Variants in CHD2 observed in about 807,000 individuals in gnomAD.
The protein encoded by CHD2 is chromodomain helicase DNA binding protein 2, also known as ATP-dependent chromatin remodeler CHD2.
Under a neutral mutation model 243.9 loss-of-function variants are expected in CHD2, and 28 were observed. The observed-to-expected ratio is 0.11, with a 90% CI of 0.09 to 0.16. The LOEUF is 0.16. Ranked by LOEUF, CHD2 falls within the 10% of genes least tolerant of loss-of-function variation. The pLI is 1.00. For missense variants in CHD2, 1,386 were observed against 2,209.8 expected, an observed-to-expected ratio of 0.63 and a Z score of 7.47; for synonymous variants, 775 against 779.0, an observed-to-expected ratio of 0.99 and a Z score of 0.09.
In CHD2 at chr15:93,001,453, A is replaced by G. The variant is rs190308043; in HGVS notation, c.4138-724A>G. On this transcript the variant is annotated intron_variant, in intron 32 of 38. Transcript: ENST00000394196. The stretch of plus-strand genomic sequence containing the variant: ...ATTGTACTTGGATATTAGCTCCAAG[A>G]GGATCAGCAGTGTGTACAGGAACTA... 2.0e-5 allele frequency among the ~76,000 whole-genome samples: 3 copies of G among 152,360 alleles called. No homozygotes were observed. The East Asian group carries it at 5.8e-4, about 29-fold the overall frequency.
chr15:93,001,504 ATATT>A (rs1316679539), intron 32 of CHD2, among the ~76,000 whole-genome samples: 4 of 152,074 alleles, frequency 2.6e-5, no homozygotes, highest in South Asian at 2.1e-4. Context: ...ATACATACAG[ATATT>A]TATTTATTTA....
chr15:92,929,183 C>A, intron 5 of CHD2, 92 bp downstream of exon 5: 1 of 1,219,240 alleles, frequency 8.2e-7, no homozygotes, highest in Non-Finnish European at 1.2e-6. Flanking sequence ...TAGTCTACTC[C>A]AGGTCCCTTA....
chr15:92,995,380 TG>T (rs1407087221), intron 28 of CHD2, among the ~76,000 whole-genome samples: 1 of 152,202 alleles, frequency 6.6e-6, no homozygotes, highest in Non-Finnish European at 1.5e-5. Context: ...TGGAGCATCT[TG>T]TTTTCGTTTT....
At chr15:92,974,700 C>G (rs2053884753) in intron 19 of CHD2, 179 bp from the exon 20 acceptor site, 1 of 522,158 alleles carries the variant, frequency 1.9e-6, no homozygotes, top group South Asian at 2.1e-5. Flanking sequence ...CTGGAGAGCT[C>G]AGGTCGAGTA....
At position 92,918,806 on chromosome 15, in the gene CHD2, C is replaced by T. The variant is rs144846651; in HGVS notation, c.63-5515C>T. ...TATACACATGTACGCTATATATACA[C>T]ACATATATACACATATACATATATA... On this transcript the variant is annotated intron_variant, in intron 2 of 38. Transcript: ENST00000394196. 1.7e-3 allele frequency among the ~76,000 whole-genome samples: 262 copies of T among 151,312 alleles called. 2 individuals are homozygous for T. Among genetic ancestry groups the T allele is most frequent in the African/African-American group, 6.0e-3 (246 of 41,108 alleles).
At chr15:92,953,247 A>C in intron 13 of CHD2, 110 bp from the exon 14 acceptor site, 1 of 783,244 alleles carries the variant, frequency 1.3e-6, no homozygotes, top group Non-Finnish European at 2.1e-6. Context: ...TATGAATGAC[A>C]CCTTGCTTGG....
intron 16 of CHD2, among the ~76,000 whole-genome samples, chr15:92,956,975 G>A (rs1467740493): frequency 6.6e-6 from 1 of 152,034 alleles, no homozygotes; most frequent in East Asian, 1.9e-4. Flanking sequence ...AATATACAAG[G>A]TACACAAGCA....
At chr15:92,996,326 AT>A (rs2054187743) in intron 28 of CHD2, among the ~76,000 whole-genome samples, 1 of 151,426 alleles carries the variant, frequency 6.6e-6, no homozygotes, top group Non-Finnish European at 1.5e-5. Context: ...CACCTGGCTA[AT>A]TTTTTTGTAT....
intron 14 of CHD2, 98 bp from the exon 15 acceptor site, chr15:92,955,318 ATTTATTT>A (rs1363208247): frequency 3.2e-6 from 2 of 626,762 alleles, no homozygotes; most frequent in Middle Eastern, 4.3e-4. Flanking sequence ...TTCTAATCAG[ATTTATTT>A]TTTATTTGGC....
intron 26 of CHD2, among the ~76,000 whole-genome samples, chr15:92,988,010 AC>A (rs1247773124): frequency 1.3e-5 from 2 of 152,152 alleles, no homozygotes; most frequent in African/African-American, 4.8e-5. Context: ...CTGTTGTCGC[AC>A]ATTACATCTT....
In CHD2 at chr15:92,924,265, C is replaced by T. The variant is rs529988849; in HGVS notation, c.63-56C>T. 4.7e-6 allele frequency: 7 copies of T among 1,481,504 alleles called. No individual in the cohort carries two copies. The East Asian group carries it at 9.2e-5, about 19-fold the overall frequency. 91.8% of individuals were successfully genotyped at this position (1,481,504 alleles called of 1,614,324 possible). A position where few individuals can be genotyped will look rare whatever the true frequency, so the allele number is the denominator to read the frequency against. On this transcript the variant is annotated intron_variant, in intron 2 of 38. Transcript: ENST00000394196. The stretch of plus-strand genomic sequence containing the variant: ...TTTACCATGAGAATTTTTTTTTAAG[C>T]AGATTCATGTGTCAGTTCTTAAATA...
chr15:92,999,153 A>G (rs1225396247), intron 31 of CHD2, among the ~76,000 whole-genome samples: 1 of 151,232 alleles, frequency 6.6e-6, no homozygotes, highest in Non-Finnish European at 1.5e-5. Flanking sequence ...CAGCTTTCTT[A>G]CAAACCCATC....
In CHD2 at chr15:92,909,990, A is replaced by C. The variant is rs978535371; in HGVS notation, c.62+8691A>C. On this transcript the variant is annotated intron_variant, in intron 2 of 38. Transcript: ENST00000394196. Reference sequence around the variant, plus strand: ...TGTGTATGTATATATGTATATATATACACATATATACATATATATAAATTT... The same window carrying C: ...TGTGTATGTATATATGTATATATATCCACATATATACATATATATAAATTT... Among the ~76,000 whole-genome samples, 4 of 151,786 alleles carry C rather than the reference A, an allele frequency of 2.6e-5. No individual in the cohort carries two copies. In the East Asian group the frequency reaches 7.7e-4, roughly 29 times the overall value.
chr15:92,910,840 A>G (rs966544608), intron 2 of CHD2, among the ~76,000 whole-genome samples: 6 of 152,210 alleles, frequency 3.9e-5, no homozygotes, highest in Non-Finnish European at 8.8e-5. Flanking sequence ...TCTGAGAAGT[A>G]TGTCGTTAGG....
chr15:92,924,864 G>A (rs763583299), intron 3 of CHD2, among the ~76,000 whole-genome samples: 6 of 152,060 alleles, frequency 3.9e-5, no homozygotes, highest in African/African-American at 1.4e-4. Flanking sequence ...GCAGTGGCAC[G>A]ATCTTGGCTC....
In CHD2 at chr15:93,014,990, G is replaced by A. The variant is rs2054440207; in HGVS notation, c.4906+81G>A. 9 of 1,093,656 alleles carry A rather than the reference G, an allele frequency of 8.2e-6. No individual in the cohort carries two copies. The South Asian group carries it at 1.0e-4, about 13-fold the overall frequency. The allele number at this position is 1,093,656 out of a possible 1,614,324, so 67.7% of individuals were successfully genotyped here. On this transcript the variant is annotated intron_variant, in intron 37 of 38. Coordinates refer to ENST00000394196, the MANE Select transcript of CHD2 (RefSeq NM_001271.4). The stretch of plus-strand genomic sequence containing the variant: ...AGCCGTTTCATTTTCCAAAGACACT[G>A]GCTAGACTTCTGTGCTTTATTATCT...
chr15:92,916,331 T>G (rs1018905021), intron 2 of CHD2, among the ~76,000 whole-genome samples: 1 of 152,266 alleles, frequency 6.6e-6, no homozygotes, highest in African/African-American at 2.4e-5. Context: ...CAGATACTTT[T>G]GGGCTCACAG....
At position 92,999,567 on chromosome 15, in the gene CHD2, C is replaced by T. The variant is rs1047313335; in HGVS notation, c.4009-945C>T. On this transcript the variant is annotated intron_variant, in intron 31 of 38. Coordinates refer to ENST00000394196, the MANE Select transcript of CHD2 (RefSeq NM_001271.4). Reference sequence around the variant, plus strand: ...CATGTGTGCATGTTCTTTAAGTGCTCTTGCAGCTATGTCATTTATATTGAT... The same window carrying T: ...CATGTGTGCATGTTCTTTAAGTGCTTTTGCAGCTATGTCATTTATATTGAT... Among the ~76,000 whole-genome samples, 59 of 152,128 alleles carry T rather than the reference C, an allele frequency of 3.9e-4. 1 individual carries two copies. Among genetic ancestry groups the T allele is most frequent in the African/African-American group, 1.4e-3 (58 of 41,418 alleles).
chr15:92,994,441 A>AT (rs1394246195), intron 28 of CHD2, among the ~76,000 whole-genome samples: 4 of 151,980 alleles, frequency 2.6e-5, no homozygotes, highest in African/African-American at 9.7e-5. Flanking sequence ...ATATTATTGA[A>AT]TTTGATATAA....
Sources: gnomAD v4.1 joint callset for allele counts (sites outside exome capture counted in the v4.1 genomes callset) on GRCh38, gnomAD v4.1.1 for gene constraint, MANE v1.5 for transcripts, NCBI Gene and HGNC (gene_info 2026-07-23, HGNC 2026-07-21) for gene names.